POLR3E: variants seen among roughly 807,000 people sequenced by gnomAD.
The protein encoded by POLR3E is DNA-directed RNA polymerase III subunit RPC5.
A neutral mutation model predicts 96.6 loss-of-function variants in POLR3E; 41 were observed. The observed-to-expected ratio is 0.42, with a 90% CI of 0.33 to 0.55. POLR3E has a LOEUF of 0.55. POLR3E is among the 20% of genes least tolerant of loss of function. POLR3E has a pLI of 0.06. For missense variants in POLR3E, 849 were observed against 952.1 expected, an observed-to-expected ratio of 0.89 and a Z score of 1.43; for synonymous variants, 396 against 383.6, an observed-to-expected ratio of 1.03 and a Z score of -0.38.
chr16:22,328,606 C>T lies in POLR3E; in HGVS notation c.1944+19C>T. The T allele has an allele frequency of 1.9e-6, 3 of 1,606,886 alleles. No individual in the cohort carries two copies. The highest frequency in any genetic ancestry group is 2.6e-6 in the Non-Finnish European group (3 of 1,173,458). On this transcript the variant is annotated intron_variant, in intron 19 of 20. Transcript: ENST00000299853. ...TGATCAGGTGAGGTGAACTTTGCTG[C>T]CATCTTCCCGAAGAGCCAGGGGGGT...
intron 13 of POLR3E, among the ~76,000 whole-genome samples, chr16:22,320,397 G>T (rs2048446079): frequency 6.6e-6 from 1 of 152,074 alleles, no homozygotes; most frequent in South Asian, 2.1e-4. Context: ...AAGTAACTGG[G>T]ATTATAGGCG....
At chr16:22,306,180 C>T (rs2048128910) in intron 3 of POLR3E, among the ~76,000 whole-genome samples, 1 of 152,216 alleles carries the variant, frequency 6.6e-6, no homozygotes, top group African/African-American at 2.4e-5. Flanking sequence ...CTGTGATTGG[C>T]TGCTCTCACT....
chr16:22,308,107 G>A (rs1328047751), intron 3 of POLR3E, 41 bp from the exon 4 acceptor site: 2 of 1,502,156 alleles, frequency 1.3e-6, no homozygotes, highest in East Asian at 2.3e-5. Flanking sequence ...TCTGGGCATG[G>A]CTGGGCAGAG....
At chr16:22,299,824 T>C (rs1212782520) in intron 1 of POLR3E, among the ~76,000 whole-genome samples, 1 of 152,126 alleles carries the variant, frequency 6.6e-6, no homozygotes, top group African/African-American at 2.4e-5. Flanking sequence ...CCAATCCTGC[T>C]GCCTCAGCTT....
Position 22,325,980 on chromosome 16 carries a change from C to T in POLR3E, c.1568C>T (p.Pro523Leu). Residue 523 changes from proline (P) to leucine (L), a missense_variant, in exon 18 of 21, where the codon CCC (proline) becomes CTC (leucine). By Grantham distance (98) the Pro-to-Leu change is moderately conservative. Transcript: ENST00000299853. ...EAEEEPMDTS[P>L]SGLHSKLANG... ...GAGGAGGAGCCCATGGACACTTCCCCCAGCGGCCTCCACAGCAAGCTGGCC... is the reference window on the plus strand; with the variant it reads ...GAGGAGGAGCCCATGGACACTTCCCTCAGCGGCCTCCACAGCAAGCTGGCC... 1 of 1,591,226 alleles carries T rather than the reference C, an allele frequency of 6.3e-7. No individual in the cohort carries two copies. Among genetic ancestry groups the T allele is most frequent in the South Asian group, 1.1e-5 (1 of 88,584 alleles).
chr16:22,302,770 A>G, intron 1 of POLR3E, 161 bp from the exon 2 acceptor site: 2 of 672,338 alleles, frequency 3.0e-6, no homozygotes, highest in Admixed American at 2.2e-5. Flanking sequence ...CTGATGGGGT[A>G]TAGGGTTGGT....
intron 1 of POLR3E, chr16:22,299,061 C>G: frequency 2.2e-6 from 1 of 456,030 alleles, no homozygotes; most frequent in Non-Finnish European, 4.4e-6. Flanking sequence ...AGATGAGACC[C>G]ACCAAGGAAA....
chr16:22,328,445 T>C (rs2048657868), intron 18 of POLR3E, 65 bp from the exon 19 acceptor site: 4 of 1,349,452 alleles, frequency 3.0e-6, no homozygotes, highest in Non-Finnish European at 4.3e-6. Flanking sequence ...CAGGGAGGGA[T>C]GAGGCAAGCA....
chr16:22,309,380 G>A (rs369474585), intron 5 of POLR3E, 48 bp from the exon 6 acceptor site: 2 of 1,402,880 alleles, frequency 1.4e-6, no homozygotes, highest in African/African-American at 1.4e-5. Flanking sequence ...CACAGGCCCT[G>A]GCTCGGAGCT....
chr16:22,298,428 T>A (rs540753838), intron 1 of POLR3E, among the ~76,000 whole-genome samples: 1 of 152,320 alleles, frequency 6.6e-6, no homozygotes, highest in East Asian at 1.9e-4. Context: ...TTTATTAGCG[T>A]CCTGTCCTTA....
chr16:22,332,967 C>CTTTTTT (rs1166614906), intron 20 of POLR3E, among the ~76,000 whole-genome samples: 159 of 72,984 alleles, frequency 2.2e-3, no homozygotes, highest in Non-Finnish European at 3.0e-3. Context: ...CGTAGACCCC[C>CTTTTTT]TTTTTTTTTT....
intron 6 of POLR3E, among the ~76,000 whole-genome samples, chr16:22,310,972 A>G (rs1245896636): frequency 1.3e-5 from 2 of 152,072 alleles, no homozygotes; most frequent in Non-Finnish European, 2.9e-5. Flanking sequence ...TTATTTATTG[A>G]TTTATTTTTT....
chr16:22,320,494 C>T (rs2048449724), intron 13 of POLR3E, among the ~76,000 whole-genome samples: 1 of 152,128 alleles, frequency 6.6e-6, no homozygotes, highest in African/African-American at 2.4e-5. Flanking sequence ...CTCCTGACCT[C>T]AGGTGATGCA....
rs372099828 is a variant in POLR3E at position 22,322,876 on chromosome 16, C to G, written c.1013C>G (p.Ser338Cys). 1.2e-5 allele frequency: 19 copies of G among 1,613,450 alleles called. No homozygotes were observed. Among genetic ancestry groups the G allele is most frequent in the Non-Finnish European group, 1.6e-5 (19 of 1,179,658 alleles). ...GACATCCTATACCCCAAGGACTCGTCCAGCCCTCACAGCGGCGTGCCTGCT... is the reference window on the plus strand; with the variant it reads ...GACATCCTATACCCCAAGGACTCGTGCAGCCCTCACAGCGGCGTGCCTGCT... ...KSDILYPKDSSSPHSGVPAEV... is the reference protein window; with the variant it reads ...KSDILYPKDSCSPHSGVPAEV... Residue 338 changes from serine (S) to cysteine (C), a missense_variant, in exon 14 of 21, where the codon TCC becomes TGC. Transcript: ENST00000299853. This position sits in a 1 kb window ranked among gnomAD's most constrained non-coding sequence, Gnocchi z 5.2.
At chr16:22,323,037 C>T (rs1456256805) in intron 14 of POLR3E, 106 bp downstream of exon 14, 14 of 731,288 alleles carry the variant, frequency 1.9e-5, no homozygotes, top group South Asian at 4.7e-5. Context: ...CAGGTGGAGG[C>T]GGGTGTGTGA....
chr16:22,314,016 G>A, intron 7 of POLR3E, 63 bp from the exon 8 acceptor site: 2 of 1,418,144 alleles, frequency 1.4e-6, no homozygotes, highest in Admixed American at 1.7e-5. Flanking sequence ...CTGGCGGGTG[G>A]GGTTGAGAGA....
chr16:22,329,560 C>T (rs2048692960), intron 19 of POLR3E, among the ~76,000 whole-genome samples: 1 of 152,136 alleles, frequency 6.6e-6, no homozygotes, highest in Non-Finnish European at 1.5e-5. Flanking sequence ...CCCCAGCTGC[C>T]TCTTAGGGGA....
chr16:22,324,039 C>G (rs1452648924), intron 14 of POLR3E, among the ~76,000 whole-genome samples: 1 of 151,874 alleles, frequency 6.6e-6, no homozygotes, highest in African/African-American at 2.4e-5. Flanking sequence ...TCTGTGGGAG[C>G]CCCTCCCAGC....
rs2141781427 is a variant in POLR3E at position 22,318,638 on chromosome 16, G to A, written c.866-188G>A. On this transcript the variant is annotated intron_variant, in intron 12 of 20. Coordinates refer to ENST00000299853, the MANE Select transcript of POLR3E (RefSeq NM_018119.4). The surrounding 1 kb of genome is among the most constrained non-coding windows in gnomAD (Gnocchi z 5.0). ...TTCATATAATCCTCAGATTTCATGA[G>A]GTGCCCAGTGCCTGGCATGTAGTGA... 6.6e-6 allele frequency among the ~76,000 whole-genome samples: 1 copy of A among 152,290 alleles called. No homozygotes were observed. Among genetic ancestry groups the A allele is most frequent in the Non-Finnish European group, 1.5e-5 (1 of 68,022 alleles).
Sources: gnomAD v4.1 joint callset for allele counts (sites outside exome capture counted in the v4.1 genomes callset) on GRCh38, gnomAD v4.1.1 for gene constraint, Gnocchi (gnomAD v3.1) non-coding constraint, MANE v1.5 for transcripts, NCBI Gene and HGNC (gene_info 2026-07-23, HGNC 2026-07-21) for gene names.